Variants in PIP5K1B observed in about 807,000 individuals in gnomAD.
The protein encoded by PIP5K1B is phosphatidylinositol-4-phosphate 5-kinase type 1 beta, also known as phosphatidylinositol 4-phosphate 5-kinase type-1 beta.
PIP5K1B carries 42 observed loss-of-function variants against 67.0 expected under a neutral mutation model. That is an observed-to-expected ratio of 0.63 (90% CI 0.49 to 0.81). The LOEUF (loss-of-function observed/expected upper bound fraction) is 0.81, where lower values mean the gene tolerates loss of function less well. PIP5K1B is among the 30% of genes least tolerant of loss of function. The probability of loss-of-function intolerance (pLI) is 0.00; values close to 1 mark genes in which losing one functional copy is unlikely to be tolerated. For synonymous variants in PIP5K1B, 214 were observed against 231.4 expected (o/e 0.92, Z 0.68); for missense variants, 459 against 646.3 (o/e 0.71, Z 3.14).
chr9:68,964,491 T>A (rs962153696), intron 14 of PIP5K1B, among the ~76,000 whole-genome samples: 1 of 152,174 alleles, frequency 6.6e-6, no homozygotes, highest in Non-Finnish European at 1.5e-5. Flanking sequence ...CTCTCCTGGG[T>A]CTGCCACAAA....
chr9:68,989,548 T>C (rs946325284), intron 14 of PIP5K1B, among the ~76,000 whole-genome samples: 1 of 152,050 alleles, frequency 6.6e-6, no homozygotes, highest in Non-Finnish European at 1.5e-5. Context: ...CCATTTTCTT[T>C]TTTTTTTTCA....
intron 2 of PIP5K1B, among the ~76,000 whole-genome samples, chr9:68,776,643 T>A (rs1189136246): frequency 6.6e-6 from 1 of 151,862 alleles, no homozygotes; most frequent in Non-Finnish European, 1.5e-5. Context: ...AAATAAGTAA[T>A]ATTTTTTAAA....
rs73646774 is a variant in PIP5K1B, at chr9:68,871,998, T to C, written c.201-4679T>C. 8.5e-3 allele frequency among the ~76,000 whole-genome samples: 1,297 copies of C among 152,254 alleles called. 24 individuals are homozygous for C. The highest frequency in any genetic ancestry group is 0.03 in the African/African-American group (1,229 of 41,538). ...GAGGAGTTCTACTCTTTTTCTGACTTCATTTTTGCTAAGTCTGGATGCTGA... is the reference window on the plus strand; with the variant it reads ...GAGGAGTTCTACTCTTTTTCTGACTCCATTTTTGCTAAGTCTGGATGCTGA... On this transcript the variant is annotated intron_variant, in intron 5 of 15. Coordinates refer to ENST00000265382, the MANE Select transcript of PIP5K1B (RefSeq NM_003558.4).
At chr9:68,850,137 A>G (rs1262372613) in intron 4 of PIP5K1B, among the ~76,000 whole-genome samples, 1 of 152,186 alleles carries the variant, frequency 6.6e-6, no homozygotes, top group Non-Finnish European at 1.5e-5. Flanking sequence ...TTCTCAATGT[A>G]TAGCTAACAA....
chr9:68,807,607 C>T (rs971791233), intron 2 of PIP5K1B, among the ~76,000 whole-genome samples: 4 of 152,148 alleles, frequency 2.6e-5, no homozygotes, highest in Non-Finnish European at 4.4e-5. Flanking sequence ...ATGACATAAA[C>T]GCAGAAATAC....
chr9:68,955,994 A>G (rs895912229), intron 14 of PIP5K1B, among the ~76,000 whole-genome samples: 1 of 152,214 alleles, frequency 6.6e-6, no homozygotes, highest in Non-Finnish European at 1.5e-5. Flanking sequence ...GCTTAGAAAC[A>G]TTAATGTCAG....
chr9:68,966,935 G>A (rs1241006484), intron 14 of PIP5K1B, among the ~76,000 whole-genome samples: 1 of 152,188 alleles, frequency 6.6e-6, no homozygotes, highest in African/African-American at 2.4e-5. Flanking sequence ...TAAGTAATCT[G>A]TCAAATATTA....
chr9:68,855,557 C>T (rs1003125278), intron 4 of PIP5K1B, among the ~76,000 whole-genome samples: 3 of 152,188 alleles, frequency 2.0e-5, no homozygotes, highest in Admixed American at 2.0e-4. Context: ...GACTTCAGTC[C>T]TCTCAACTGC....
At chr9:68,755,727 T>G (rs1384188995) in intron 2 of PIP5K1B, among the ~76,000 whole-genome samples, 3 of 152,204 alleles carry the variant, frequency 2.0e-5, no homozygotes, top group African/African-American at 7.2e-5. Context: ...CAACTAAAGT[T>G]ATTTAGGCTA....
At chr9:68,976,107 TA>T (rs1280536877) in intron 14 of PIP5K1B, among the ~76,000 whole-genome samples, 5 of 152,218 alleles carry the variant, frequency 3.3e-5, no homozygotes, top group Non-Finnish European at 7.3e-5. Flanking sequence ...CAGCAGCAAG[TA>T]TAGAGATTGC....
At chr9:68,781,224 A>G (rs1831254898) in intron 2 of PIP5K1B, 1 of 658,042 alleles carries the variant, frequency 1.5e-6, no homozygotes, top group South Asian at 2.1e-5. Context: ...CAGTGTAGTA[A>G]TATTTTCAGA....
intron 2 of PIP5K1B, among the ~76,000 whole-genome samples, chr9:68,808,025 C>G (rs1031730332): frequency 6.6e-6 from 1 of 152,160 alleles, no homozygotes; most frequent in Admixed American, 6.6e-5. Context: ...TGGCAAAACC[C>G]TGTCTGTACC....
chr9:68,854,540 AC>A (rs1822672369), intron 4 of PIP5K1B, among the ~76,000 whole-genome samples: 1 of 152,204 alleles, frequency 6.6e-6, no homozygotes, highest in African/African-American at 2.4e-5. Flanking sequence ...ACAGTGGGAG[AC>A]AAAAATAAAC....
chr9:68,741,237 GA>G (rs1306669971), intron 1 of PIP5K1B, among the ~76,000 whole-genome samples: 1 of 152,040 alleles, frequency 6.6e-6, no homozygotes, highest in Non-Finnish European at 1.5e-5. Flanking sequence ...TTCATAAATT[GA>G]TTTTTGTTTC....
At chr9:68,890,484 A>G (rs1016303873) in intron 7 of PIP5K1B, among the ~76,000 whole-genome samples, 3 of 152,218 alleles carry the variant, frequency 2.0e-5, no homozygotes, top group Non-Finnish European at 4.4e-5. Flanking sequence ...TTAAAAATGC[A>G]TTCATCAGAT....
intron 14 of PIP5K1B, among the ~76,000 whole-genome samples, chr9:68,953,632 A>G (rs1297988775): frequency 1.3e-5 from 2 of 151,864 alleles, no homozygotes; most frequent in Non-Finnish European, 2.9e-5. Flanking sequence ...CCTGGGCAAT[A>G]CTAGTGAGAC....
In PIP5K1B at chr9:68,833,080, A is replaced by G. The variant is rs1834403375; in HGVS notation, c.69+10397A>G. On this transcript the variant is annotated intron_variant, in intron 4 of 15. Coordinates refer to ENST00000265382, the MANE Select transcript of PIP5K1B (RefSeq NM_003558.4). The stretch of plus-strand genomic sequence containing the variant: ...GGTGCTAGGCCTTAAGGGGTGGAAC[A>G]GAGGCCAAGACAGACATAGTCCCTG... Among the ~76,000 whole-genome samples the G allele has an allele frequency of 2.0e-5, 3 of 152,274 alleles. No homozygotes were observed. In the South Asian group the frequency reaches 6.2e-4, roughly 31 times the overall value.
At chr9:68,767,477 C>T (rs1830485076) in intron 2 of PIP5K1B, among the ~76,000 whole-genome samples, 1 of 151,336 alleles carries the variant, frequency 6.6e-6, no homozygotes, top group African/African-American at 2.4e-5. Context: ...ACCTGTAATC[C>T]CATCTATTCG....
At chr9:68,997,518 C>T (rs1044748969) in intron 15 of PIP5K1B, among the ~76,000 whole-genome samples, 3 of 152,166 alleles carry the variant, frequency 2.0e-5, no homozygotes, top group African/African-American at 7.2e-5. Context: ...ACAAACACTG[C>T]GTTTGGTGTA....
Sources: allele counts gnomAD v4.1 joint callset (sites outside exome capture counted in the v4.1 genomes callset), GRCh38; gene constraint gnomAD v4.1.1; transcripts MANE v1.5; gene names NCBI Gene and HGNC (gene_info 2026-07-23, HGNC 2026-07-21).